ROBO1: variants seen among roughly 807,000 people sequenced by gnomAD.
ROBO1 encodes the protein roundabout homolog 1.
ROBO1 carries 149 observed loss-of-function variants against 195.9 expected under a neutral mutation model. The observed-to-expected ratio is 0.76, with a 90% CI of 0.67 to 0.87. The LOEUF is 0.87. ROBO1 is among the 40% of genes least tolerant of loss of function. ROBO1 has a pLI of 0.00. For synonymous variants in ROBO1, 816 were observed against 733.2 expected (o/e 1.11, Z -1.82); for missense variants, 1,933 against 2,068.3 (o/e 0.93, Z 1.27).
intron 2 of ROBO1, among the ~76,000 whole-genome samples, chr3:79,285,915 G>C (rs555728448): frequency 1.3e-5 from 2 of 151,996 alleles, no homozygotes; most frequent in Non-Finnish European, 2.9e-5. Flanking sequence ...AAAAAGACAA[G>C]GTGAAGGAAA....
At chr3:79,290,877 C>A (rs1419112097) in intron 2 of ROBO1, among the ~76,000 whole-genome samples, 2 of 152,192 alleles carry the variant, frequency 1.3e-5, no homozygotes, top group Admixed American at 6.5e-5. Context: ...TCATCTAATT[C>A]TCTCCAGGTC....
At chr3:78,984,743 TG>T (rs147481212) in intron 3 of ROBO1, among the ~76,000 whole-genome samples, 2,177 of 152,188 alleles carry the variant, frequency 0.014, 58 homozygotes, top group African/African-American at 0.048. Flanking sequence ...ACAACAAACT[TG>T]TTCCAAGAAA....
chr3:79,017,767 A>C (rs1398173470), intron 3 of ROBO1, among the ~76,000 whole-genome samples: 1 of 151,354 alleles, frequency 6.6e-6, no homozygotes, highest in East Asian at 1.9e-4. Flanking sequence ...TCCCCAGGCA[A>C]CTCCCCTTTC....
chr3:78,675,676 C>G (rs952034320), intron 10 of ROBO1, among the ~76,000 whole-genome samples: 8 of 152,146 alleles, frequency 5.3e-5, no homozygotes, highest in Admixed American at 2.0e-4. Context: ...CCTGGAAGCT[C>G]GAACTGGGTG....
intron 4 of ROBO1, among the ~76,000 whole-genome samples, chr3:78,794,690 C>T (rs1158113783): frequency 6.6e-6 from 1 of 152,156 alleles, no homozygotes; most frequent in Non-Finnish European, 1.5e-5. Context: ...GATTCTCCCA[C>T]CTCAGCCATG....
chr3:78,714,497 C>T lies in ROBO1; in HGVS notation c.945G>A (p.Leu315=). 6.2e-7 allele frequency: 1 copy of T among 1,612,134 alleles called. No homozygotes were observed. Among genetic ancestry groups the T allele is most frequent in the Non-Finnish European group, 8.5e-7 (1 of 1,179,062 alleles). Residue 315 remains leucine, a synonymous_variant, in exon 8 of 31, where the codon TTG becomes TTA. Coordinates refer to ENST00000464233, the MANE Select transcript of ROBO1 (RefSeq NM_002941.4). ...CACCAGCTGTCACCTTCCTAATTTT[C>T]AAGGTATGATCATCTCGGATTTCAT... ...SRYEIRDDHT[L]KIRKVTAGDM... is the part of the protein sequence containing the mutation.
chr3:78,779,681 T>C (rs1227624787), intron 4 of ROBO1, among the ~76,000 whole-genome samples: 2 of 152,154 alleles, frequency 1.3e-5, no homozygotes, highest in Non-Finnish European at 2.9e-5. Flanking sequence ...AGTTCAACCA[T>C]TGTGGAAGAC....
At chr3:79,470,024 A>G (rs925443234) in intron 2 of ROBO1, among the ~76,000 whole-genome samples, 1 of 152,182 alleles carries the variant, frequency 6.6e-6, no homozygotes, top group Non-Finnish European at 1.5e-5. Context: ...TAATTATTAT[A>G]CTTTAAGTTC....
intron 3 of ROBO1, among the ~76,000 whole-genome samples, chr3:79,050,644 A>G (rs747376725): frequency 1.3e-5 from 2 of 152,186 alleles, no homozygotes; most frequent in African/African-American, 2.4e-5. Context: ...TCTAAAATTG[A>G]CCATATAATT....
At chr3:79,670,696 A>C (rs1321727962) in intron 1 of ROBO1, among the ~76,000 whole-genome samples, 2 of 151,876 alleles carry the variant, frequency 1.3e-5, no homozygotes, top group African/African-American at 4.8e-5. Context: ...CGTAAGAAGC[A>C]TAGAGCACTA....
chr3:78,602,071 T>C (rs150000194), intron 29 of ROBO1, among the ~76,000 whole-genome samples: 2 of 152,102 alleles, frequency 1.3e-5, no homozygotes, highest in East Asian at 1.9e-4. Context: ...TGTGTGTATA[T>C]ATATAGATGA....
intron 2 of ROBO1, among the ~76,000 whole-genome samples, chr3:79,513,808 C>T (rs1940828324): frequency 6.6e-6 from 1 of 152,024 alleles, no homozygotes; most frequent in South Asian, 2.1e-4. Flanking sequence ...AATGTTATTG[C>T]TTAATCTATA....
intron 1 of ROBO1, among the ~76,000 whole-genome samples, chr3:79,662,538 T>C (rs1560079404): frequency 1.3e-5 from 2 of 152,228 alleles, no homozygotes; most frequent in East Asian, 3.9e-4. Flanking sequence ...TTCTCCTCAA[T>C]GGAGTTTTTA....
At chr3:79,671,137 T>A (rs946445384) in intron 1 of ROBO1, among the ~76,000 whole-genome samples, 1 of 151,810 alleles carries the variant, frequency 6.6e-6, no homozygotes, top group East Asian at 1.9e-4. Flanking sequence ...ATATACAATG[T>A]TTAAGAGTTA....
intron 2 of ROBO1, among the ~76,000 whole-genome samples, chr3:79,523,019 G>A (rs1433448625): frequency 1.3e-5 from 2 of 152,194 alleles, no homozygotes; most frequent in Non-Finnish European, 2.9e-5. Context: ...TCTGTGTCAA[G>A]TGTGCTTTAC....
intron 2 of ROBO1, among the ~76,000 whole-genome samples, chr3:79,571,119 T>C (rs571160452): frequency 6.6e-6 from 1 of 152,210 alleles, no homozygotes; most frequent in African/African-American, 2.4e-5. Flanking sequence ...TTTTAGGATG[T>C]AGAAGCAATA....
At chr3:78,683,841 TAGA>T (rs907747086) in intron 10 of ROBO1, among the ~76,000 whole-genome samples, 2 of 151,770 alleles carry the variant, frequency 1.3e-5, no homozygotes, top group African/African-American at 4.8e-5. Flanking sequence ...ATAAAGCTTC[TAGA>T]AGAAGACATA....
At chr3:78,731,459 T>G (rs1419058904) in intron 5 of ROBO1, among the ~76,000 whole-genome samples, 1 of 152,108 alleles carries the variant, frequency 6.6e-6, no homozygotes, top group Non-Finnish European at 1.5e-5. Context: ...AAGCTTGATC[T>G]GACATTTCCT....
intron 4 of ROBO1, among the ~76,000 whole-genome samples, chr3:78,893,836 A>C (rs2037069384): frequency 6.6e-6 from 1 of 152,164 alleles, no homozygotes; most frequent in African/African-American, 2.4e-5. Context: ...CTGGTACTAG[A>C]AACTTCTCTC....
Sources: gnomAD v4.1 joint callset for allele counts (sites outside exome capture counted in the v4.1 genomes callset) on GRCh38, gnomAD v4.1.1 for gene constraint, MANE v1.5 for transcripts, NCBI Gene and HGNC (gene_info 2026-07-23, HGNC 2026-07-21) for gene names.